The following ATP9B variants were observed in gnomAD, a reference collection of about 807,000 sequenced individuals.
The protein encoded by ATP9B is ATPase phospholipid transporting 9B.
Under a neutral mutation model 146.1 loss-of-function variants are expected in ATP9B, and 110 were observed. The observed-to-expected ratio is 0.75, with a 90% CI of 0.65 to 0.88. The LOEUF (loss-of-function observed/expected upper bound fraction) is 0.88. Ranked by LOEUF, ATP9B falls within the 40% of genes least tolerant of loss-of-function variation. The pLI is 0.00. For missense variants in ATP9B, 1,499 were observed against 1,496.4 expected (o/e 1.00, Z -0.03); for synonymous variants, 604 against 569.7 (o/e 1.06, Z -0.86).
At chr18:79,372,645 C>T in intron 26 of ATP9B, 180 bp from the exon 27 acceptor site, 1 of 678,894 alleles carries the variant, frequency 1.5e-6, no homozygotes, top group Non-Finnish European at 2.7e-6. Flanking sequence ...CAGGCAGCTT[C>T]TTCAGGATTC....
chr18:79,143,915 G>T (rs1008267122), intron 6 of ATP9B, 55 bp downstream of exon 6: 2 of 1,111,230 alleles, frequency 1.8e-6, no homozygotes, highest in African/African-American at 1.6e-5. Context: ...TTAATGTTTA[G>T]CCTGATTATA....
At chr18:79,222,594 G>T (rs1374751197) in intron 11 of ATP9B, among the ~76,000 whole-genome samples, 1 of 152,168 alleles carries the variant, frequency 6.6e-6, no homozygotes. Context: ...CAGACATGAA[G>T]ATAAGAATAA....
intron 11 of ATP9B, among the ~76,000 whole-genome samples, chr18:79,220,836 C>A (rs1203038127): frequency 6.6e-6 from 1 of 152,132 alleles, no homozygotes; most frequent in Non-Finnish European, 1.5e-5. Flanking sequence ...GAAGAGAGTG[C>A]CCTTTTCTTT....
rs539813337 is a variant in ATP9B, at chr18:79,105,627, C to T, written c.294-4728C>T. Among the ~76,000 whole-genome samples, 35 of 152,252 alleles carry T rather than the reference C, an allele frequency of 2.3e-4. 1 individual carries two copies. The South Asian group carries it at 7.2e-3, about 32-fold the overall frequency. On this transcript the variant is annotated intron_variant, in intron 2 of 29. Coordinates refer to ENST00000426216, the MANE Select transcript of ATP9B (RefSeq NM_198531.5). ...GTGAGTGAATACACCTTTCTGTAAG[C>T]GGTTGTGAGTCATATTGATAGTTCT...
chr18:79,273,631 T>G (rs1181333507), intron 12 of ATP9B, among the ~76,000 whole-genome samples: 1 of 152,240 alleles, frequency 6.6e-6, no homozygotes, highest in Non-Finnish European at 1.5e-5. Flanking sequence ...GTTGTGGGAC[T>G]GGGTTCACCT....
intron 13 of ATP9B, among the ~76,000 whole-genome samples, chr18:79,286,858 T>C (rs1268089457): frequency 6.6e-6 from 1 of 152,250 alleles, no homozygotes; most frequent in Non-Finnish European, 1.5e-5. Context: ...AATTCATTTC[T>C]GCATCTATTG....
At chr18:79,347,728 C>T (rs2096898142) in intron 23 of ATP9B, 42 bp from the exon 24 acceptor site, 2 of 1,493,644 alleles carry the variant, frequency 1.3e-6, no homozygotes, top group African/African-American at 1.4e-5. Context: ...TGATTTCCAG[C>T]GTCCGCCATG....
At chr18:79,071,453 G>A (rs2071810027) in intron 1 of ATP9B, among the ~76,000 whole-genome samples, 1 of 112,796 alleles carries the variant, frequency 8.9e-6, no homozygotes, top group Non-Finnish European at 1.8e-5. Flanking sequence ...TGGAGTTAGT[G>A]ATGCGATCGT....
chr18:79,329,946 C>T, intron 16 of ATP9B, 66 bp from the exon 17 acceptor site: 1 of 1,379,254 alleles, frequency 7.3e-7, no homozygotes, highest in East Asian at 2.3e-5. Context: ...TTTTATTAGA[C>T]TAGCAGTTAT....
intron 5 of ATP9B, among the ~76,000 whole-genome samples, chr18:79,139,603 G>A (rs2094490139): frequency 6.6e-6 from 1 of 152,116 alleles, no homozygotes; most frequent in South Asian, 2.1e-4. Flanking sequence ...TTTTGATGCA[G>A]GCATTCAATG....
intron 13 of ATP9B, among the ~76,000 whole-genome samples, chr18:79,301,476 C>T (rs770827157): frequency 4.6e-5 from 7 of 152,114 alleles, no homozygotes; most frequent in Non-Finnish European, 7.4e-5. Flanking sequence ...TCTCAAAAAA[C>T]AAACAAACAA....
intron 10 of ATP9B, 130 bp downstream of exon 10, chr18:79,207,142 C>A: frequency 1.2e-6 from 1 of 808,516 alleles, no homozygotes. Context: ...ACGCAGACTC[C>A]AGCTCAGTGG....
chr18:79,361,096 G>A (rs967594032), intron 26 of ATP9B: 1 of 152,210 alleles, frequency 6.6e-6, no homozygotes, highest in African/African-American at 2.4e-5. Context: ...AAACCGGCAC[G>A]CAAGCAGGGC....
chr18:79,375,213 G>T (rs560889615), intron 28 of ATP9B, among the ~76,000 whole-genome samples, 181 bp from the exon 29 acceptor site: 40 of 152,326 alleles, frequency 2.6e-4, no homozygotes, highest in African/African-American at 8.9e-4. Flanking sequence ...TTTCAGTGAT[G>T]TTTAAACAGT....
intron 15 of ATP9B, among the ~76,000 whole-genome samples, chr18:79,314,151 C>T (rs1752600549): frequency 6.6e-6 from 1 of 152,208 alleles, no homozygotes; most frequent in African/African-American, 2.4e-5. Flanking sequence ...CAGCTCTGAC[C>T]TATCACAACA....
At chr18:79,189,045 A>G (rs925648423) in intron 8 of ATP9B, among the ~76,000 whole-genome samples, 3 of 152,124 alleles carry the variant, frequency 2.0e-5, no homozygotes, top group Non-Finnish European at 4.4e-5. Flanking sequence ...TTTCACATAA[A>G]ATACAAGAAT....
At chr18:79,273,067 G>C (rs546059606) in intron 12 of ATP9B, among the ~76,000 whole-genome samples, 3 of 152,204 alleles carry the variant, frequency 2.0e-5, no homozygotes, top group Non-Finnish European at 4.4e-5. Flanking sequence ...GCAGGTGGCC[G>C]TGCCAGTCGT....
intron 11 of ATP9B, among the ~76,000 whole-genome samples, chr18:79,218,170 TCTGTATCTGGCACAGG>T (rs1343834047): frequency 6.6e-6 from 1 of 152,224 alleles, no homozygotes; most frequent in East Asian, 1.9e-4. Context: ...TTCCTCATGT[TCTGTATCTGGCACAGG>T]CTGGCAGCTC....
rs1217998447 is a variant in ATP9B at position 79,256,284 on chromosome 18, T to TATATATATATATATATATATAC, written c.1268+2746_1268+2747insTATATATATATATATATACATA. 4.6e-3 allele frequency among the ~76,000 whole-genome samples: 558 copies of TATATATATATATATATATATAC among 122,356 alleles called. 8 individuals carry two copies. Among genetic ancestry groups the TATATATATATATATATATATAC allele is most frequent in the Non-Finnish European group, 8.7e-3 (470 of 53,742 alleles). 80.3% of individuals were successfully genotyped at this position (122,356 alleles called of 152,430 possible). On this transcript the variant is annotated intron_variant, in intron 12 of 29. Transcript: ENST00000426216. Reference sequence around the variant, plus strand: ...ATATATATATATATATATATATATATATACATACATAGTGAGGCTATGTTA... The same window carrying TATATATATATATATATATATAC: ...ATATATATATATATATATATATATATATATATATATATATATATATACATACATACATAGTGAGGCTATGTTA...
Sources: gnomAD v4.1 joint callset for allele counts (sites outside exome capture counted in the v4.1 genomes callset) on GRCh38, gnomAD v4.1.1 for gene constraint, MANE v1.5 for transcripts, NCBI Gene and HGNC (gene_info 2026-07-23, HGNC 2026-07-21) for gene names.